DNHD1: variants seen among roughly 807,000 people sequenced by gnomAD.
DNHD1 encodes dynein heavy chain domain 1.
DNHD1 carries 383 observed loss-of-function variants against 458.1 expected under a neutral mutation model. The ratio of observed to expected loss-of-function variants is 0.84; its 90% CI spans 0.77 to 0.91. The LOEUF (loss-of-function observed/expected upper bound fraction) is 0.91, where lower values mean the gene tolerates loss of function less well. Ranked by LOEUF, DNHD1 falls within the 40% of genes least tolerant of loss-of-function variation. The probability of loss-of-function intolerance (pLI) is 0.00; values close to 1 mark genes in which losing one functional copy is unlikely to be tolerated. For synonymous variants in DNHD1, 2,203 were observed against 2,376.9 expected (o/e 0.93, Z 2.13); for missense variants, 5,336 against 5,866.1 (o/e 0.91, Z 2.95).
At position 6,545,032 on chromosome 11, in the gene DNHD1, A is replaced by T. The variant is rs1257956847; in HGVS notation, c.4093A>T (p.Ser1365Cys). 1 of 1,551,872 alleles carries T rather than the reference A, an allele frequency of 6.4e-7. No homozygotes were observed. The highest frequency in any genetic ancestry group is 2.4e-5 in the East Asian group (1 of 40,916). ...HFPRLFFLSD[S>C]ELVALLAARL... ...CCCCCGCCTCTTCTTCCTTAGTGAC[A>T]GTGAGCTGGTAGCCCTGCTGGCTGC... The change falls in exon 21 of 43, where the codon AGT becomes TGT. Residue 1365 changes from serine (S) to cysteine (C), a missense_variant. Ser to Cys is a moderately radical substitution (Grantham distance 112). Transcript: ENST00000254579. The surrounding 1 kb of genome is among the most constrained non-coding windows in gnomAD (Gnocchi z 4.9).
intron 10 of DNHD1, chr11:6,520,779 T>C (rs937352297): frequency 4.0e-6 from 4 of 994,870 alleles, no homozygotes; most frequent in Non-Finnish European, 4.8e-6. Flanking sequence ...TCACACTTAT[T>C]AACCATCAGC....
In DNHD1 at chr11:6,564,527, C is replaced by T. The variant is rs1484664050; in HGVS notation, c.10479C>T (p.Val3493=). The T allele has an allele frequency of 6.4e-7, 1 of 1,551,588 alleles. No individual in the cohort carries two copies. Among genetic ancestry groups the T allele is most frequent in the Non-Finnish European group, 8.7e-7 (1 of 1,146,994 alleles). ...CACTGAAGCGGAAGCAAAAATCTGT[C>T]AGCATACCACCAAAGAACCCCCTGC... The part of the protein sequence containing the change: ...AQALKRKQKS[V]SIPPKNPLLA... Residue 3493 remains valine, a synonymous_variant, in exon 32 of 43, where the codon GTC becomes GTT. Coordinates refer to ENST00000254579, the MANE Select transcript of DNHD1 (RefSeq NM_144666.3).
rs536383175 is a variant in DNHD1 at position 6,548,879 on chromosome 11, G to C, written c.7333G>C (p.Asp2445His). 1 of 1,551,670 alleles carries C rather than the reference G, an allele frequency of 6.4e-7. No homozygotes were observed. Among genetic ancestry groups the C allele is most frequent in the Non-Finnish European group, 8.7e-7 (1 of 1,146,976 alleles). Residue 2445 changes from aspartate (D) to histidine (H), a missense_variant, in exon 24 of 43, where the codon GAT becomes CAT. By Grantham distance (81) the Asp-to-His change is moderately conservative. This residue lies in a region of DNHD1 where 3,932 missense variants were observed against 4,365.6 expected (regional missense o/e 0.90). Transcript: ENST00000254579. The surrounding 1 kb of genome is among the most constrained non-coding windows in gnomAD (Gnocchi z 4.4). Reference sequence around the variant, plus strand: ...CAGCCCACAGCCTGGGCATCACCAGGATTCTAAACCCTCCCTCCTCTTCTT... The same window carrying C: ...CAGCCCACAGCCTGGGCATCACCAGCATTCTAAACCCTCCCTCCTCTTCTT... ...QASPQPGHHQ[D>H]SKPSLLFLLE... is the part of the protein sequence containing the mutation.
chr11:6,502,155 G>C (rs2723621), intron 3 of DNHD1, among the ~76,000 whole-genome samples: 4,898 of 152,262 alleles, frequency 0.032, 266 homozygotes, highest in African/African-American at 0.11. Flanking sequence ...CCAGAATGCA[G>C]AAGAGTAAGA....
chr11:6,546,204 C>G lies in DNHD1; in HGVS notation c.5265C>G (p.Arg1755=). Residue 1755 remains arginine, a synonymous_variant, in exon 21 of 43, where the codon CGC becomes CGG. Transcript: ENST00000254579. ...GCTTGCTCTCTGCCCTGGGCCAGCG[C>G]CTGGGTGAACTGCACCACTTGTATG... ...PPGLLSALGQ[R]LGELHHLYAP... The G allele has an allele frequency of 6.4e-7, 1 of 1,551,262 alleles. No individual in the cohort carries two copies. Among genetic ancestry groups the G allele is most frequent in the Non-Finnish European group, 8.7e-7 (1 of 1,146,590 alleles).
At chr11:6,504,332 T>C (rs1852189416) in intron 4 of DNHD1, 1 of 152,256 alleles carries the variant, frequency 6.6e-6, no homozygotes, top group Admixed American at 6.5e-5. Flanking sequence ...GTTTGATTAA[T>C]GGAGAGTGCT....
rs2723645 is a variant in DNHD1, at chr11:6,498,133, C to G, written c.-83C>G. On this transcript the variant is annotated 5_prime_UTR_variant, in exon 3 of 43. Coordinates refer to ENST00000254579, the MANE Select transcript of DNHD1 (RefSeq NM_144666.3). ...GGGCTGGCCCATGCAGGTGAGGCCC[C>G]GCATCTGGCATCCTGGAACTGGCAG... 0.52 allele frequency: 812,969 copies of G among 1,549,998 alleles called. 218,144 individuals carry two copies. The highest frequency in any genetic ancestry group is 0.7 in the African/African-American group (51,736 of 73,638).
At position 6,538,827 on chromosome 11, in the gene DNHD1, T is replaced by C. The variant is rs1056738157; in HGVS notation, c.3325+17T>C. ...TCCTGCGTGGTATGTTTGGTTAATG[T>C]CAGAGGAGGGGGAAAGGGAAATATG... On this transcript the variant is annotated intron_variant, in intron 16 of 42. Coordinates refer to ENST00000254579, the MANE Select transcript of DNHD1 (RefSeq NM_144666.3). 1 of 1,480,946 alleles carries C rather than the reference T, an allele frequency of 6.8e-7. No homozygotes were observed. Among genetic ancestry groups the C allele is most frequent in the African/African-American group, 1.4e-5 (1 of 71,402 alleles). 91.7% of individuals were successfully genotyped at this position (1,480,946 alleles called of 1,614,324 possible). A position where few individuals can be genotyped will look rare whatever the true frequency, so the allele number is the denominator to read the frequency against.
intron 7 of DNHD1, among the ~76,000 whole-genome samples, chr11:6,513,900 A>G (rs1007352275): frequency 1.3e-5 from 2 of 151,830 alleles, no homozygotes; most frequent in South Asian, 2.1e-4. Context: ...CTGGAATGCA[A>G]TGGTGCAATC....
chr11:6,549,151 C>A (rs1382424996), intron 24 of DNHD1: 4 of 591,292 alleles, frequency 6.8e-6, no homozygotes, highest in South Asian at 4.3e-5. Context: ...AATCTCACTT[C>A]TTTTCTAAGC....
chr11:6,510,793 GT>G (rs1852322317), intron 6 of DNHD1, among the ~76,000 whole-genome samples: 1 of 152,184 alleles, frequency 6.6e-6, no homozygotes, highest in Non-Finnish European at 1.5e-5. Flanking sequence ...GATGTTTACA[GT>G]TGTGGAGTTC....
At chr11:6,556,545 A>G in intron 24 of DNHD1, 138 bp from the exon 25 acceptor site, 6 of 766,390 alleles carry the variant, frequency 7.8e-6, no homozygotes, top group Non-Finnish European at 1.2e-5. Context: ...AGAATAGCTT[A>G]CTCAAATGTG....
In DNHD1 at chr11:6,559,007, C is replaced by A. The variant is rs752722638; in HGVS notation, c.9317C>A (p.Ala3106Glu). ...CACTACCATGAGCACCTGTGCCCTG[C>A]ATTGCCACTCGTCACCCCCAAGACC... is the stretch of plus-strand genomic sequence containing the variant. The part of the protein sequence containing the change: ...ATHYHEHLCP[A>E]LPLVTPKTFL... Residue 3106 changes from alanine (A) to glutamate (E), a missense_variant, in exon 27 of 43, where the codon GCA becomes GAA. Around this residue, in one of 4 missense-constraint regions of DNHD1, gnomAD observed 3,932 missense variants for 4,365.6 expected, o/e 0.90. Transcript: ENST00000254579. 3 of 1,551,738 alleles carry A rather than the reference C, an allele frequency of 1.9e-6. No homozygotes were observed. The highest frequency in any genetic ancestry group is 2.6e-6 in the Non-Finnish European group (3 of 1,146,990).
At chr11:6,570,488 G>T in intron 41 of DNHD1, 92 bp downstream of exon 41, 2 of 1,489,110 alleles carry the variant, frequency 1.3e-6, no homozygotes, top group Non-Finnish European at 1.8e-6. Context: ...CTCAATAAAG[G>T]TATATGAGGG....
In DNHD1 at chr11:6,509,221, A is replaced by G. The variant is rs138581667; in HGVS notation, c.1184A>G (p.His395Arg). ...CGACTCCAGAAATTCCTAGAGAATC[A>G]TCTGCTCTTGGCTGTGCCCCACTTT... ...LHRLQKFLEN[H>R]LLLAVPHFGA... is the part of the protein sequence containing the mutation. Residue 395 changes from histidine to arginine, a missense_variant, in exon 6 of 43, where the codon CAT (histidine) becomes CGT (arginine). His to Arg is a conservative substitution (Grantham distance 29). Transcript: ENST00000254579. 93 of 1,614,234 alleles carry G rather than the reference A, an allele frequency of 5.8e-5. No homozygotes were observed. In the African/African-American group the frequency reaches 9.1e-4, roughly 16 times the overall value.
At position 6,567,051 on chromosome 11, in the gene DNHD1, G is replaced by A. The variant is rs1430534586; in HGVS notation, c.11542G>A (p.Ala3848Thr). The stretch of plus-strand genomic sequence containing the variant: ...GAAACTACAGGAGATGGTATTGTGG[G>A]CACCCTATCGACCTGTGGTTTGGCA... Reference protein sequence around the residue: ...GQKLQEMVLWAPYRPVVWHGM... With the variant: ...GQKLQEMVLWTPYRPVVWHGM... Residue 3848 changes from alanine (A) to threonine (T), a missense_variant, in exon 36 of 43, where the codon GCA becomes ACA. Transcript: ENST00000254579. The A allele has an allele frequency of 2.5e-6, 4 of 1,614,034 alleles. No individual in the cohort carries two copies. The highest frequency in any genetic ancestry group is 3.4e-6 in the Non-Finnish European group (4 of 1,179,902).
rs1367135544 is a variant in DNHD1, at chr11:6,571,494, C to G, written c.13911+71C>G. 1 of 1,475,006 alleles carries G rather than the reference C, an allele frequency of 6.8e-7. No individual in the cohort carries two copies. Among genetic ancestry groups the G allele is most frequent in the Non-Finnish European group, 9.0e-7 (1 of 1,106,100 alleles). 91.4% of individuals were successfully genotyped at this position (1,475,006 alleles called of 1,614,324 possible). On this transcript the variant is annotated intron_variant, in intron 42 of 42. Transcript: ENST00000254579. This position sits in a 1 kb window ranked among gnomAD's most constrained non-coding sequence, Gnocchi z 5.0. ...TCTCTAATTACACCTCGCAGTTACCCCTTCTTGGTGATCTTGCCCCCGGTA... is the reference window on the plus strand; with the variant it reads ...TCTCTAATTACACCTCGCAGTTACCGCTTCTTGGTGATCTTGCCCCCGGTA...
At chr11:6,529,220 C>A in intron 12 of DNHD1, 99 bp downstream of exon 12, 2 of 1,337,852 alleles carry the variant, frequency 1.5e-6, no homozygotes, top group Non-Finnish European at 2.0e-6. Flanking sequence ...ACCTTCGGTG[C>A]AGGCCTCTTA....
Position 6,566,003 on chromosome 11 carries a change from T to TGGGCCC in DNHD1, c.11053+12_11053+13insGGGCCC. 2.0e-6 allele frequency: 3 copies of TGGGCCC among 1,508,926 alleles called. No individual in the cohort carries two copies. Among genetic ancestry groups the TGGGCCC allele is most frequent in the Non-Finnish European group, 1.8e-6 (2 of 1,110,670 alleles). 93.5% of individuals were successfully genotyped at this position (1,508,926 alleles called of 1,614,324 possible). ...GGCAGCTGCTTGTGGTGAGAGCTGG[T>TGGGCCC]CCCCACCCACCCTGGCCCCTTTTTG... On this transcript the variant is annotated intron_variant, in intron 33 of 42. Transcript: ENST00000254579.
Sources: gnomAD v4.1 joint callset for allele counts (sites outside exome capture counted in the v4.1 genomes callset) on GRCh38, gnomAD v4.1.1 for gene constraint, gnomAD v4.1.1 regional missense constraint, Gnocchi (gnomAD v3.1) non-coding constraint, MANE v1.5 for transcripts, NCBI Gene and HGNC (gene_info 2026-07-23, HGNC 2026-07-21) for gene names.